The following PIP4K2B variants were observed in gnomAD, a reference collection of about 807,000 sequenced individuals.
PIP4K2B encodes the protein phosphatidylinositol 5-phosphate 4-kinase type-2 beta.
In PIP4K2B, 3 loss-of-function variants were observed where a neutral mutation model predicts 42.0. The observed-to-expected ratio is 0.07, with a 90% CI of 0.03 to 0.18. PIP4K2B has a LOEUF of 0.18. Ranked by LOEUF, PIP4K2B falls within the 10% of genes least tolerant of loss-of-function variation. The probability of loss-of-function intolerance (pLI) is 1.00; values close to 1 mark genes in which losing one functional copy is unlikely to be tolerated. For synonymous variants in PIP4K2B, 204 were observed against 210.1 expected (o/e 0.97, Z 0.25); for missense variants, 332 against 562.3 (o/e 0.59, Z 4.14).
chr17:38,788,902 G>A (rs930361657), intron 1 of PIP4K2B, among the ~76,000 whole-genome samples: 2 of 151,150 alleles, frequency 1.3e-5, no homozygotes, highest in Non-Finnish European at 2.9e-5. Context: ...ATAGTGGGCC[G>A]AGATCGCGCC....
chr17:38,787,006 T>C, intron 1 of PIP4K2B, 86 bp from the exon 2 acceptor site: 1 of 869,908 alleles, frequency 1.1e-6, no homozygotes, highest in South Asian at 1.4e-5. Context: ...GCCACAATCT[T>C]GCTAAAAGCA....
At chr17:38,785,696 A>G (rs1909971459) in intron 2 of PIP4K2B, among the ~76,000 whole-genome samples, 1 of 152,126 alleles carries the variant, frequency 6.6e-6, no homozygotes, top group Non-Finnish European at 1.5e-5. Context: ...ACCAATAACA[A>G]CAACAAAAAC....
chr17:38,779,170 T>C (rs1005655809), intron 5 of PIP4K2B, among the ~76,000 whole-genome samples: 1 of 152,220 alleles, frequency 6.6e-6, no homozygotes, highest in African/African-American at 2.4e-5. Context: ...TGCATAAATA[T>C]GGCACATTTA....
Position 38,766,503 on chromosome 17 carries a change from A to T in PIP4K2B, c.*3188T>A, listed in dbSNP as rs1336882401. On this transcript the variant is annotated 3_prime_UTR_variant, in exon 10 of 10. Transcript: ENST00000619039. Reference sequence around the variant, plus strand: ...CCCTGGCAGACCATGAAGACAGGAAAGGCAGGGCAGGAGTGTAGCCTCACG... The same window carrying T: ...CCCTGGCAGACCATGAAGACAGGAATGGCAGGGCAGGAGTGTAGCCTCACG... The T allele has an allele frequency of 1.3e-5, 2 of 152,622 alleles. No homozygotes were observed. Among genetic ancestry groups the T allele is most frequent in the Non-Finnish European group, 2.9e-5 (2 of 68,084 alleles). The allele number at this position is 152,622 out of a possible 1,614,324, so 9.5% of individuals were successfully genotyped here.
chr17:38,781,348 G>A (rs1179083979), intron 3 of PIP4K2B, among the ~76,000 whole-genome samples: 2 of 151,978 alleles, frequency 1.3e-5, no homozygotes, highest in African/African-American at 4.8e-5. Context: ...GGTGTGGGAA[G>A]GCGTGAGTCA....
At chr17:38,769,901 C>T in intron 9 of PIP4K2B, 130 bp from the exon 10 acceptor site, 1 of 766,906 alleles carries the variant, frequency 1.3e-6, no homozygotes, top group East Asian at 2.5e-5. Flanking sequence ...CCAACCCCAC[C>T]AAGACTGAGC....
At chr17:38,791,219 C>T (rs1181188961) in intron 1 of PIP4K2B, among the ~76,000 whole-genome samples, 1 of 152,024 alleles carries the variant, frequency 6.6e-6, no homozygotes, top group Non-Finnish European at 1.5e-5. Context: ...ATACATCAGG[C>T]CAGAAACAAG....
intron 1 of PIP4K2B, among the ~76,000 whole-genome samples, chr17:38,787,452 T>C (rs1598054088): frequency 6.6e-6 from 1 of 152,236 alleles, no homozygotes; most frequent in Admixed American, 6.5e-5. Context: ...CTCTAGACCA[T>C]CAATACCCTT....
intron 7 of PIP4K2B, 56 bp downstream of exon 7, chr17:38,777,631 C>T (rs753926126): frequency 1.2e-4 from 136 of 1,102,832 alleles, no homozygotes; most frequent in East Asian, 1.2e-3. Context: ...GTTTAAGAGG[C>T]GCCTACTCTA....
At chr17:38,788,835 T>A (rs1567661231) in intron 1 of PIP4K2B, among the ~76,000 whole-genome samples, 1 of 151,398 alleles carries the variant, frequency 6.6e-6, no homozygotes, top group Non-Finnish European at 1.5e-5. Flanking sequence ...CACCTGTAAT[T>A]CCAGCTACTC....
chr17:38,778,394 G>T (rs983989675), intron 5 of PIP4K2B, 22 bp from the exon 6 acceptor site: 2 of 1,613,570 alleles, frequency 1.2e-6, no homozygotes, highest in African/African-American at 2.7e-5. Flanking sequence ...AGAGCCATCA[G>T]GGGAAGTCAA....
chr17:38,780,212 T>G lies in PIP4K2B; in HGVS notation c.507+240A>C, dbSNP rs548109451. On this transcript the variant is annotated intron_variant, in intron 4 of 9. Transcript: ENST00000619039. ...TCAGAAGAAACGGGGCGGATGCCAG[T>G]GCGTGAACACTTTCCAACTGGGAGT... Among the ~76,000 whole-genome samples, 124 of 152,336 alleles carry G rather than the reference T, an allele frequency of 8.1e-4. 1 individual carries two copies. Among genetic ancestry groups the G allele is most frequent in the Middle Eastern group, 6.8e-3 (2 of 294 alleles).
At chr17:38,777,823 G>A (rs1307204035) in intron 6 of PIP4K2B, 23 bp from the exon 7 acceptor site, 1 of 1,543,322 alleles carries the variant, frequency 6.5e-7, no homozygotes, top group Non-Finnish European at 9.0e-7. Flanking sequence ...CAGCAGTTAG[G>A]CTGGGTAAGC....
At chr17:38,794,253 T>A (rs1272841526) in intron 1 of PIP4K2B, among the ~76,000 whole-genome samples, 2 of 151,928 alleles carry the variant, frequency 1.3e-5, no homozygotes, top group South Asian at 4.2e-4. Flanking sequence ...TGATTCTCCT[T>A]ATATAAGGTT....
chr17:38,790,434 C>T (rs1048057334), intron 1 of PIP4K2B, among the ~76,000 whole-genome samples: 3 of 152,178 alleles, frequency 2.0e-5, no homozygotes, highest in Non-Finnish European at 4.4e-5. Flanking sequence ...CGCCTATAAT[C>T]CCAACACTTT....
intron 9 of PIP4K2B, 106 bp from the exon 10 acceptor site, chr17:38,769,877 G>A: frequency 9.9e-7 from 1 of 1,007,934 alleles, no homozygotes; most frequent in Non-Finnish European, 1.6e-6. Flanking sequence ...CAGTATCAGA[G>A]CTGAATACCA....
chr17:38,786,103 C>T (rs182711007), intron 2 of PIP4K2B, among the ~76,000 whole-genome samples: 3 of 152,206 alleles, frequency 2.0e-5, no homozygotes, highest in East Asian at 3.9e-4. Flanking sequence ...GTGACAGAAC[C>T]CAGCTAGTGA....
chr17:38,795,430 G>C (rs1223041806), intron 1 of PIP4K2B, among the ~76,000 whole-genome samples: 1 of 152,002 alleles, frequency 6.6e-6, no homozygotes, highest in Non-Finnish European at 1.5e-5. Flanking sequence ...AACAAAGCGA[G>C]ACCCTGTCTC....
chr17:38,780,704 A>T (rs944845661), intron 3 of PIP4K2B, 100 bp from the exon 4 acceptor site: 2 of 1,172,766 alleles, frequency 1.7e-6, no homozygotes, highest in African/African-American at 1.5e-5. Context: ...AAAGCCAACA[A>T]CACTGAGATA....
Sources: gnomAD v4.1 joint callset for allele counts (sites outside exome capture counted in the v4.1 genomes callset) on GRCh38, gnomAD v4.1.1 for gene constraint, MANE v1.5 for transcripts, NCBI Gene and HGNC (gene_info 2026-07-23, HGNC 2026-07-21) for gene names.